Variants in KLHL30 observed in about 807,000 individuals in gnomAD.
KLHL30 encodes kelch-like protein 30.
A neutral mutation model predicts 55.0 loss-of-function variants in KLHL30; 55 were observed. That is an observed-to-expected ratio of 1.00 (90% confidence interval 0.80 to 1.25). KLHL30 has a LOEUF of 1.25. KLHL30 is among the 50% of genes most tolerant of loss of function. The pLI is 0.00. For synonymous variants in KLHL30, 356 were observed against 372.6 expected (o/e 0.96, Z 0.51); for missense variants, 786 against 811.6 (o/e 0.97, Z 0.38).
Position 238,141,648 on chromosome 2 carries a change from G to T in KLHL30, c.774+120G>T, listed in dbSNP as rs1359057470. Reference sequence around the variant, plus strand: ...CCAAGGTGCACTCTGACCTTGCCACGCTCCTTGTTTTGGGCCAGTTCCCCA... The same window carrying T: ...CCAAGGTGCACTCTGACCTTGCCACTCTCCTTGTTTTGGGCCAGTTCCCCA... On this transcript the variant is annotated intron_variant, in intron 2 of 7. Transcript: ENST00000409223. 5.2e-6 allele frequency: 6 copies of T among 1,156,960 alleles called. No individual in the cohort carries two copies. The African/African-American group carries it at 6.3e-5, about 12-fold the overall frequency. The allele number at this position is 1,156,960 out of a possible 1,614,324, so 71.7% of individuals were successfully genotyped here. A position where few individuals can be genotyped will look rare whatever the true frequency, so the allele number is the denominator to read the frequency against.
intron 7 of KLHL30, 78 bp downstream of exon 7, chr2:238,149,230 G>A: frequency 6.4e-7 from 1 of 1,569,090 alleles, no homozygotes; most frequent in Non-Finnish European, 8.7e-7. Flanking sequence ...TGGGAAGTGA[G>A]GGATGGGGTG....
rs1574762278 is a variant in KLHL30, at chr2:238,151,248, C to T, written c.*183C>T. 2.5e-6 allele frequency: 2 copies of T among 804,476 alleles called. No individual in the cohort carries two copies. The highest frequency in any genetic ancestry group is 1.7e-5 in the African/African-American group (1 of 57,916). 49.8% of individuals were successfully genotyped at this position (804,476 alleles called of 1,614,324 possible). A position where few individuals can be genotyped will look rare whatever the true frequency, so the allele number is the denominator to read the frequency against. ...GACACAGCCTTGGTCTCTGTGGCCA[C>T]CACACTAAACTCTGAGCTGAGCAGT... On this transcript the variant is annotated 3_prime_UTR_variant, in exon 8 of 8. Coordinates refer to ENST00000409223, the MANE Select transcript of KLHL30 (RefSeq NM_198582.4).
At chr2:238,143,317 A>G (rs947056681) in intron 3 of KLHL30, among the ~76,000 whole-genome samples, 1 of 151,956 alleles carries the variant, frequency 6.6e-6, no homozygotes, top group Non-Finnish European at 1.5e-5. Context: ...CCAAGGGGAG[A>G]GTGGGGTGGG....
intron 1 of KLHL30, among the ~76,000 whole-genome samples, chr2:238,139,077 C>G (rs550187273): frequency 1.3e-5 from 2 of 152,202 alleles, no homozygotes; most frequent in Non-Finnish European, 2.9e-5. Context: ...ACTCGGCTTC[C>G]TCACTCCGGG....
rs1692566558 is a variant in KLHL30 at position 238,142,855 on chromosome 2, G to GGC, written c.834_835dup (p.Leu279ArgfsTer47). 6.8e-7 allele frequency: 1 copy of GGC among 1,466,630 alleles called. No homozygotes were observed. The highest frequency in any genetic ancestry group is 1.5e-5 in the African/African-American group (1 of 67,352). 90.9% of individuals were successfully genotyped at this position (1,466,630 alleles called of 1,614,324 possible). A position where few individuals can be genotyped will look rare whatever the true frequency, so the allele number is the denominator to read the frequency against. ...AGGTCCTGGTGGTGGTGGGCGGGCA[G>GGC]GCGCTGGAGGAGGAGGAGGCAGGTG... On this transcript the variant is annotated frameshift_variant, in exon 3 of 8. Transcript: ENST00000409223. LOFTEE classifies it high-confidence loss of function.
chr2:238,148,144 G>A, intron 6 of KLHL30, 122 bp downstream of exon 6: 3 of 973,540 alleles, frequency 3.1e-6, no homozygotes, highest in Non-Finnish European at 4.3e-6. Context: ...GGTGGAGAGA[G>A]CCGGCGGCCG....
chr2:238,144,721 C>T (rs1163074925), intron 3 of KLHL30, among the ~76,000 whole-genome samples, 181 bp from the exon 4 acceptor site: 1 of 152,118 alleles, frequency 6.6e-6, no homozygotes, highest in Admixed American at 6.5e-5. Context: ...ACACAATGAG[C>T]CAGAAGCACC....
Position 238,151,042 on chromosome 2 carries a change from T to C in KLHL30, c.1714T>C (p.Ser572Pro). ...GGATGTCTCCAAGTGGACCCAGCCC[T>C]CCGGCCCCACCCAGGAGCACTAAAC... Reference protein sequence around the residue: ...FLDVSKWTQPSGPTQEH With the variant: ...FLDVSKWTQPPGPTQEH Residue 572 changes from serine to proline, a missense_variant, in exon 8 of 8, where the codon TCC becomes CCC. Ser to Pro is a moderately conservative substitution (Grantham distance 74). Transcript: ENST00000409223. The C allele has an allele frequency of 6.3e-7, 1 of 1,592,400 alleles. No individual in the cohort carries two copies. The highest frequency in any genetic ancestry group is 2.3e-5 in the East Asian group (1 of 43,696).
chr2:238,147,776 G>A lies in KLHL30; in HGVS notation c.1151-58G>A, dbSNP rs1193543183. 2.1e-5 allele frequency: 25 copies of A among 1,196,436 alleles called. No homozygotes were observed. The highest frequency in any genetic ancestry group is 5.5e-6 in the Non-Finnish European group (5 of 904,670). 74.1% of individuals were successfully genotyped at this position (1,196,436 alleles called of 1,614,324 possible). On this transcript the variant is annotated intron_variant, in intron 5 of 7. Transcript: ENST00000409223. This position sits in a 1 kb window ranked among gnomAD's most constrained non-coding sequence, Gnocchi z 5.8. The stretch of plus-strand genomic sequence containing the variant: ...TGCCTTACAAAGCCCCAGCCCCTGA[G>A]TTTCCAGGCCTCCCCTCTCCTCCCC...
chr2:238,139,370 C>T, intron 1 of KLHL30, among the ~76,000 whole-genome samples: 1 of 152,238 alleles, frequency 6.6e-6, no homozygotes, highest in Admixed American at 6.5e-5. Context: ...TCACCGGGGC[C>T]AGCGCCTCCT....
At chr2:238,150,739 G>T (rs543408521) in intron 7 of KLHL30, 75 bp from the exon 8 acceptor site, 4 of 1,491,284 alleles carry the variant, frequency 2.7e-6, no homozygotes, top group Non-Finnish European at 3.6e-6. Context: ...CCACTCCCCC[G>T]ACCCTGCTGA....
chr2:238,144,862 G>T (rs374741974), intron 3 of KLHL30, 40 bp from the exon 4 acceptor site: 1 of 1,495,272 alleles, frequency 6.7e-7, no homozygotes, highest in South Asian at 1.2e-5. Context: ...CCAGCAGGGA[G>T]CCTGGCAGCC....
intron 4 of KLHL30, among the ~76,000 whole-genome samples, chr2:238,145,259 C>T (rs896055442): frequency 5.3e-5 from 8 of 152,220 alleles, no homozygotes; most frequent in Non-Finnish European, 2.9e-5. Context: ...GCTGGCGTGG[C>T]TGCTGCAGGC....
chr2:238,151,157 C>T lies in KLHL30; in HGVS notation c.*92C>T, dbSNP rs573000510. 23 of 1,469,010 alleles carry T rather than the reference C, an allele frequency of 1.6e-5. No individual in the cohort carries two copies. The South Asian group carries it at 2.6e-4, about 16-fold the overall frequency. The allele number at this position is 1,469,010 out of a possible 1,614,324, so 91.0% of individuals were successfully genotyped here. ...TTTCATTTTCGCTTATTTGTTCACT[C>T]GGAGCTACCATTCCTTCCAAGCTGC... On this transcript the variant is annotated 3_prime_UTR_variant, in exon 8 of 8. Coordinates refer to ENST00000409223, the MANE Select transcript of KLHL30 (RefSeq NM_198582.4).
rs529232592 is a variant in KLHL30, at chr2:238,141,348, G to A, written c.594G>A (p.Glu198=). The A allele has an allele frequency of 6.3e-7, 1 of 1,597,046 alleles. No individual in the cohort carries two copies. Among genetic ancestry groups the A allele is most frequent in the South Asian group, 1.1e-5 (1 of 90,128 alleles). Residue 198 remains glutamate, a synonymous_variant, in exon 2 of 8, where the codon GAG becomes GAA. Transcript: ENST00000409223. The stretch of plus-strand genomic sequence containing the variant: ...TACAGCCGGAGCAAAGCCGACTCGA[G>A]GCCCTGATGCGCTGGGTGCGCCATG... ...LQVQPEQSRL[E]ALMRWVRHDP...
chr2:238,144,999 C>T lies in KLHL30; in HGVS notation c.994+11C>T, dbSNP rs1276106917. 9 of 1,588,416 alleles carry T rather than the reference C, an allele frequency of 5.7e-6. No individual in the cohort carries two copies. Among genetic ancestry groups the T allele is most frequent in the African/African-American group, 1.3e-5 (1 of 74,402 alleles). On this transcript the variant is annotated intron_variant, in intron 4 of 7. Transcript: ENST00000409223. ...ACATCTATGTCACAGGTGGGCAGCT[C>T]GGGGACCCTTCCAGAGATGCCCTGC...
Position 238,150,830 on chromosome 2 carries a change from G to C in KLHL30, c.1502G>C (p.Ser501Thr). 1 of 1,587,328 alleles carries C rather than the reference G, an allele frequency of 6.3e-7. No individual in the cohort carries two copies. Among genetic ancestry groups the C allele is most frequent in the Non-Finnish European group, 8.6e-7 (1 of 1,168,560 alleles). Residue 501 changes from serine to threonine, a missense_variant, in exon 8 of 8, where the codon AGC becomes ACC. Transcript: ENST00000409223. ...CGTGCACAGGTGCAGTCACAGCACA[G>C]CCTGCATGAGAATGGCGCGCTGGTG... Reference protein sequence around the residue: ...NLWQKVQSQHSLHENGALVPL... With the variant: ...NLWQKVQSQHTLHENGALVPL...
chr2:238,140,608 T>C (rs548308526), intron 1 of KLHL30, 77 bp from the exon 2 acceptor site: 1 of 744,346 alleles, frequency 1.3e-6, no homozygotes, highest in African/African-American at 1.8e-5. Context: ...TGGAAAGGGC[T>C]GATGGACAGA....
chr2:238,146,565 C>G (rs1333681603), intron 5 of KLHL30, among the ~76,000 whole-genome samples: 1 of 150,714 alleles, frequency 6.6e-6, no homozygotes, highest in Non-Finnish European at 1.5e-5. Context: ...TGCCACCATG[C>G]CCAGATAATT....
Sources: gnomAD v4.1 joint callset for allele counts (sites outside exome capture counted in the v4.1 genomes callset) on GRCh38, gnomAD v4.1.1 for gene constraint, Gnocchi (gnomAD v3.1) non-coding constraint, MANE v1.5 for transcripts, NCBI Gene and HGNC (gene_info 2026-07-23, HGNC 2026-07-21) for gene names.